Variants in ZNF469 observed in about 807,000 individuals in gnomAD.
ZNF469 encodes zinc finger protein 469.
ZNF469 carries 1 observed loss-of-function variant against 1.0 expected under a neutral mutation model. The observed-to-expected ratio is 1.00, with a 90% CI of 0.35 to 4.73. The LOEUF is 4.73. ZNF469 is among the 30% of genes most tolerant of loss of function. The pLI, the probability that ZNF469 is intolerant of heterozygous loss-of-function variation, is 0.16. For missense variants in ZNF469, 6,100 were observed against 5,356.3 expected (o/e 1.14, Z -4.33); for synonymous variants, 2,703 against 2,363.4 (o/e 1.14, Z -4.17).
the ZNF469 span, among the ~76,000 whole-genome samples, chr16:88,238,594 C>T: frequency 6.6e-6 from 1 of 152,214 alleles, no homozygotes; most frequent in Non-Finnish European, 1.5e-5. Flanking sequence ...GGGTTGGAGA[C>T]TGGGGTTTGC....
At chr16:88,130,108 A>G in the ZNF469 span, among the ~76,000 whole-genome samples, 152,205 of 152,298 alleles carry the variant, frequency 1, 76,056 homozygotes, top group Middle Eastern at 1. Flanking sequence ...AGTTGGGCTC[A>G]AGGACCATTA....
chr16:88,196,822 T>G, the ZNF469 span, among the ~76,000 whole-genome samples: 1 of 152,122 alleles, frequency 6.6e-6, no homozygotes, highest in Non-Finnish European at 1.5e-5. Flanking sequence ...GAGCACTGTT[T>G]TGTCCGATGC....
the ZNF469 span, among the ~76,000 whole-genome samples, chr16:88,203,506 G>A: frequency 6.6e-6 from 1 of 152,190 alleles, no homozygotes; most frequent in African/African-American, 2.4e-5. Flanking sequence ...GGCGGGGACG[G>A]GGCGGGGGTG....
At chr16:88,290,733 C>A in the ZNF469 span, among the ~76,000 whole-genome samples, 1 of 152,208 alleles carries the variant, frequency 6.6e-6, no homozygotes, top group Non-Finnish European at 1.5e-5. Context: ...TTTGTGGTCA[C>A]CACAGTGGCA....
chr16:88,105,723 A>G, the ZNF469 span, among the ~76,000 whole-genome samples: 3 of 152,228 alleles, frequency 2.0e-5, no homozygotes, highest in Non-Finnish European at 2.9e-5. Flanking sequence ...GCTAAGTTGT[A>G]AAGACTCAGA....
chr16:88,380,367 A>G (rs1215207454), upstream of ZNF469, among the ~76,000 whole-genome samples: 1 of 127,266 alleles, frequency 7.9e-6, no homozygotes. Context: ...TCACACACAG[A>G]CATGCACTCA....
chr16:88,325,156 G>A, the ZNF469 span, among the ~76,000 whole-genome samples: 2 of 117,586 alleles, frequency 1.7e-5, no homozygotes, highest in Non-Finnish European at 3.8e-5. Context: ...GACAGCAGCT[G>A]CGACATACAC....
chr16:88,366,932 A>G, the ZNF469 span, among the ~76,000 whole-genome samples: 3 of 152,036 alleles, frequency 2.0e-5, no homozygotes, highest in African/African-American at 7.3e-5. Flanking sequence ...GACCATCATC[A>G]TTATGAGCAA....
chr16:88,254,315 T>C, the ZNF469 span, among the ~76,000 whole-genome samples: 68 of 152,346 alleles, frequency 4.5e-4, no homozygotes, highest in Non-Finnish European at 8.8e-4. Flanking sequence ...AAGTCAGTTG[T>C]ATATATGGGG....
chr16:88,299,973 C>G, the ZNF469 span, among the ~76,000 whole-genome samples: 1 of 152,190 alleles, frequency 6.6e-6, no homozygotes, highest in East Asian at 1.9e-4. Flanking sequence ...TCTGCCAGGT[C>G]TCTCCCCGGG....
chr16:88,108,609 G>A, the ZNF469 span, among the ~76,000 whole-genome samples: 7 of 152,196 alleles, frequency 4.6e-5, no homozygotes, highest in Non-Finnish European at 8.8e-5. Flanking sequence ...GAGAACTCTC[G>A]GCTCAAGGGT....
At chr16:88,103,780 C>T in the ZNF469 span, among the ~76,000 whole-genome samples, 1 of 150,596 alleles carries the variant, frequency 6.6e-6, no homozygotes, top group Non-Finnish European at 1.5e-5. Flanking sequence ...GAATAATCCT[C>T]CGTGGCATGG....
At chr16:88,381,030 TCA>T (rs535214429), upstream of ZNF469, among the ~76,000 whole-genome samples, 280 of 101,826 alleles carry the variant, frequency 2.7e-3, 1 homozygote, top group African/African-American at 0.01. Context: ...AGACATGCAC[TCA>T]CACACATGCA....
the ZNF469 span, among the ~76,000 whole-genome samples, chr16:88,269,907 C>T: frequency 0.011 from 1,683 of 152,200 alleles, 24 homozygotes; most frequent in African/African-American, 0.038. Context: ...CTCCTGCCCA[C>T]GCCCTGGACT....
the ZNF469 span, among the ~76,000 whole-genome samples, chr16:88,374,040 G>T: frequency 3.3e-4 from 50 of 152,002 alleles, no homozygotes; most frequent in African/African-American, 1.1e-3. Flanking sequence ...TCAGAGATAT[G>T]AGCCATTCCA....
In ZNF469 at chr16:88,428,355, C is replaced by G; in HGVS notation, c.885C>G (p.His295Gln). The change falls in exon 3 of 3, where the codon CAC becomes CAG. Residue 295 changes from histidine to glutamine, a missense_variant. Physicochemically the swap from His to Gln is conservative, Grantham distance 24. Transcript: ENST00000565624. ...TKPFPADVAG[H>Q]AFTNGPLVFA... is the part of the protein sequence containing the mutation. ...CCTTCCCTGCGGATGTGGCTGGGCA[C>G]GCATTCACCAATGGGCCACTGGTGT... The G allele has an allele frequency of 6.5e-7, 1 of 1,549,158 alleles. No homozygotes were observed. Among genetic ancestry groups the G allele is most frequent in the Non-Finnish European group, 8.7e-7 (1 of 1,146,914 alleles).
the ZNF469 span, among the ~76,000 whole-genome samples, chr16:88,129,708 T>G: frequency 6.6e-6 from 1 of 152,024 alleles, no homozygotes; most frequent in Non-Finnish European, 1.5e-5. Flanking sequence ...CAAAAAAATA[T>G]AAAAAGCCAG....
rs762382027 is a variant in ZNF469, at chr16:88,427,484, G to A, written c.14G>A (p.Arg5His). The A allele has an allele frequency of 5.2e-5, 79 of 1,518,094 alleles. No individual in the cohort carries two copies. The highest frequency in any genetic ancestry group is 1.7e-4 in the African/African-American group (12 of 72,510). 94.0% of individuals were successfully genotyped at this position (1,518,094 alleles called of 1,614,324 possible). A position where few individuals can be genotyped will look rare whatever the true frequency, so the allele number is the denominator to read the frequency against. The change falls in exon 3 of 3, where the codon CGC becomes CAC. Residue 5 changes from arginine to histidine, a missense_variant. Transcript: ENST00000565624. The part of the protein sequence containing the change: MPGE[R>H]PRGAPPPTMT... ...GACGGAGGGGCCATGCCTGGGGAGC[G>A]CCCCCGAGGAGCGCCGCCCCCCACC... is the stretch of plus-strand genomic sequence containing the variant.
the ZNF469 span, among the ~76,000 whole-genome samples, chr16:88,168,474 C>T: frequency 2.0e-5 from 3 of 151,410 alleles, no homozygotes; most frequent in Admixed American, 1.3e-4. The surrounding 1 kb of genome is among the most constrained non-coding windows in gnomAD (Gnocchi z 4.3). Flanking sequence ...TGGGGTCGCT[C>T]ATGTGTGATT....
Sources: gnomAD v4.1 joint callset for allele counts (sites outside exome capture counted in the v4.1 genomes callset) on GRCh38, gnomAD v4.1.1 for gene constraint, Gnocchi (gnomAD v3.1) non-coding constraint, MANE v1.5 for transcripts, NCBI Gene and HGNC (gene_info 2026-07-23, HGNC 2026-07-21) for gene names.